TAS2R1: variants seen among roughly 807,000 people sequenced by gnomAD.
The protein encoded by TAS2R1 is taste 2 receptor member 1.
For missense variants in TAS2R1, 370 were observed against 353.4 expected, an observed-to-expected ratio of 1.05 and a Z score of -0.38; for synonymous variants, 141 against 134.2, an observed-to-expected ratio of 1.05 and a Z score of -0.35.
At chr5:9,772,724 G>A in the TAS2R1 span, among the ~76,000 whole-genome samples, 116,626 of 151,966 alleles carry the variant, frequency 0.77, 44,868 homozygotes, top group East Asian at 0.87. Flanking sequence ...TACTCTTATG[G>A]ATTGACCCCT....
the TAS2R1 span, among the ~76,000 whole-genome samples, chr5:9,718,843 A>C: frequency 6.6e-6 from 1 of 152,116 alleles, no homozygotes. Flanking sequence ...AATAGGGAGC[A>C]TTCTGTTTAA....
At chr5:9,655,279 A>AT (rs2126491378) in intron 2 of TAS2R1, among the ~76,000 whole-genome samples, 1 of 152,350 alleles carries the variant, frequency 6.6e-6, no homozygotes, top group African/African-American at 2.4e-5. Flanking sequence ...TACAAACTTT[A>AT]TAAGTCTCTT....
intron 2 of TAS2R1, chr5:9,658,793 G>A (rs748529185): frequency 5.9e-5 from 9 of 152,188 alleles, no homozygotes; most frequent in African/African-American, 1.9e-4. Context: ...GTGTTCTCAT[G>A]ACAAGACGGC....
chr5:9,627,442 C>G lies in TAS2R1; in HGVS notation c.*1691G>C, dbSNP rs1308890117. 4.6e-5 allele frequency among the ~76,000 whole-genome samples: 7 copies of G among 151,874 alleles called. No homozygotes were observed. The highest frequency in any genetic ancestry group is 4.2e-4 in the South Asian group (2 of 4,810). On this transcript the variant is annotated 3_prime_UTR_variant, in exon 1 of 1. Coordinates refer to ENST00000382492, the MANE Select transcript of TAS2R1 (RefSeq NM_019599.3). ...CATATCTTAATAGTTATCTAATTAG[C>G]TAACGTTATTAAAGCAGGAGTTGCA...
chr5:9,693,524 CAAAAAAAAAAAA>C (rs35262775), intron 1 of TAS2R1, among the ~76,000 whole-genome samples: 4 of 33,026 alleles, frequency 1.2e-4, no homozygotes, highest in Admixed American at 6.7e-4. Context: ...AACTCCATCT[CAAAAAAAAAAAA>C]AAAAAAAAAA....
intron 2 of TAS2R1, among the ~76,000 whole-genome samples, chr5:9,637,376 G>C (rs372545841): frequency 2.6e-5 from 4 of 152,038 alleles, no homozygotes; most frequent in African/African-American, 7.2e-5. Context: ...CCTTTGTCTT[G>C]ACTTTAGATA....
At chr5:9,752,081 C>T in the TAS2R1 span, among the ~76,000 whole-genome samples, 1 of 152,270 alleles carries the variant, frequency 6.6e-6, no homozygotes. Context: ...ATTAAAATGA[C>T]TCAAAAGCAT....
At chr5:9,813,483 A>T in the TAS2R1 span, among the ~76,000 whole-genome samples, 1 of 152,154 alleles carries the variant, frequency 6.6e-6, no homozygotes, top group Non-Finnish European at 1.5e-5. Flanking sequence ...TGCAGCAGCT[A>T]TCTTGGATGC....
the TAS2R1 span, among the ~76,000 whole-genome samples, chr5:9,776,455 G>C: frequency 6.6e-6 from 1 of 152,162 alleles, no homozygotes; most frequent in Admixed American, 6.5e-5. Context: ...GCTTTTTTGT[G>C]TGGACAGTTG....
At chr5:9,829,949 C>T in the TAS2R1 span, among the ~76,000 whole-genome samples, 2,945 of 152,244 alleles carry the variant, frequency 0.019, 98 homozygotes, top group African/African-American at 0.064. Context: ...TCTAAGAATA[C>T]CTCAGGACCC....
At chr5:9,864,192 C>A in the TAS2R1 span, among the ~76,000 whole-genome samples, 1 of 152,180 alleles carries the variant, frequency 6.6e-6, no homozygotes, top group Non-Finnish European at 1.5e-5. Context: ...ACCTGAGAAG[C>A]AGTCAAGAGG....
chr5:9,809,490 T>A, the TAS2R1 span, among the ~76,000 whole-genome samples: 5 of 152,050 alleles, frequency 3.3e-5, no homozygotes, highest in South Asian at 1.0e-3. Context: ...ATACCAGGCC[T>A]ACGAGACACA....
At chr5:9,755,234 A>G in the TAS2R1 span, among the ~76,000 whole-genome samples, 1 of 152,172 alleles carries the variant, frequency 6.6e-6, no homozygotes, top group African/African-American at 2.4e-5. Flanking sequence ...GGATACTGCA[A>G]AAGAAAGAAT....
the TAS2R1 span, among the ~76,000 whole-genome samples, chr5:9,723,017 C>A: frequency 6.6e-6 from 1 of 152,204 alleles, no homozygotes; most frequent in Non-Finnish European, 1.5e-5. Flanking sequence ...GGGCAACCTG[C>A]CTCTAAAGCA....
chr5:9,767,900 G>A, the TAS2R1 span, among the ~76,000 whole-genome samples: 1 of 135,522 alleles, frequency 7.4e-6, no homozygotes, highest in Non-Finnish European at 1.5e-5. Flanking sequence ...CTCCAGCCTG[G>A]GCCACAGAGC....
the TAS2R1 span, among the ~76,000 whole-genome samples, chr5:9,766,500 T>C: frequency 2.6e-5 from 4 of 152,240 alleles, no homozygotes; most frequent in Admixed American, 1.3e-4. Context: ...CATGCATTCC[T>C]GCCTGGGGCA....
chr5:9,812,152 C>A, the TAS2R1 span, among the ~76,000 whole-genome samples: 3 of 152,064 alleles, frequency 2.0e-5, no homozygotes, highest in Non-Finnish European at 4.4e-5. Context: ...CACCCCCCTG[C>A]CCCACCCAAT....
chr5:9,876,132 G>A, the TAS2R1 span, among the ~76,000 whole-genome samples: 1 of 150,802 alleles, frequency 6.6e-6, no homozygotes. Flanking sequence ...CTGAAGAGCA[G>A]AAACAGCTCC....
chr5:9,737,992 C>A, the TAS2R1 span, among the ~76,000 whole-genome samples: 15 of 152,122 alleles, frequency 9.9e-5, no homozygotes, highest in Non-Finnish European at 1.8e-4. Flanking sequence ...GAGAAGGACA[C>A]GTATGATGCA....
Sources: gnomAD v4.1 joint callset for allele counts (sites outside exome capture counted in the v4.1 genomes callset) on GRCh38, gnomAD v4.1.1 for gene constraint, MANE v1.5 for transcripts, NCBI Gene and HGNC (gene_info 2026-07-23, HGNC 2026-07-21) for gene names.